DNAI1: variants seen among roughly 807,000 people sequenced by gnomAD.
The protein encoded by DNAI1 is dynein axonemal intermediate chain 1, also known as dynein, axonemal, intermediate polypeptide 1.
A neutral mutation model predicts 92.0 loss-of-function variants in DNAI1; 67 were observed. The observed-to-expected ratio is 0.73, with a 90% CI of 0.60 to 0.89. DNAI1 has a LOEUF of 0.89. DNAI1 is among the 40% of genes least tolerant of loss of function. DNAI1 has a pLI of 0.00. For missense variants in DNAI1, 839 were observed against 866.6 expected (o/e 0.97, Z 0.40); for synonymous variants, 323 against 319.6 (o/e 1.01, Z -0.11).
At chr9:34,462,460 A>G (rs933815174) in intron 1 of DNAI1, among the ~76,000 whole-genome samples, 1 of 152,202 alleles carries the variant, frequency 6.6e-6, no homozygotes, top group Admixed American at 6.5e-5. Flanking sequence ...TCTAGACTAT[A>G]AACTATGTTA....
chr9:34,503,181 C>G (rs898417767), intron 12 of DNAI1, among the ~76,000 whole-genome samples: 2 of 152,128 alleles, frequency 1.3e-5, no homozygotes, highest in Non-Finnish European at 2.9e-5. Flanking sequence ...TTCTCCAGAG[C>G]CTTGCATATC....
chr9:34,485,707 G>A (rs1447187246), intron 4 of DNAI1, among the ~76,000 whole-genome samples, 190 bp downstream of exon 4: 2 of 152,114 alleles, frequency 1.3e-5, no homozygotes, highest in Admixed American at 6.5e-5. Flanking sequence ...AATCTCCCTT[G>A]CAGTCTTGCT....
chr9:34,495,486 GAT>G (rs1824703475), intron 9 of DNAI1, among the ~76,000 whole-genome samples: 1 of 152,200 alleles, frequency 6.6e-6, no homozygotes, highest in African/African-American at 2.4e-5. Flanking sequence ...TACTTTGCAA[GAT>G]TTTCATGAGA....
chr9:34,512,389 C>T lies in DNAI1; in HGVS notation c.1454C>T (p.Thr485Met), dbSNP rs137935543. 5.9e-5 allele frequency: 95 copies of T among 1,614,040 alleles called. No individual in the cohort carries two copies. The highest frequency in any genetic ancestry group is 5.6e-4 in the African/African-American group (42 of 74,906). ...VIKLKVEGST[T>M]EVPEGLQLHP... Reference sequence around the variant, plus strand: ...AAGCTGAAGGTGGAAGGCAGCACCACGGAAGTTCCTGAGGGGTTGCAGCTG... The same window carrying T: ...AAGCTGAAGGTGGAAGGCAGCACCATGGAAGTTCCTGAGGGGTTGCAGCTG... The change falls in exon 15 of 20, where the codon ACG (threonine) becomes ATG (methionine). Residue 485 changes from threonine to methionine, a missense_variant. Thr to Met is a moderately conservative substitution (Grantham distance 81). Coordinates refer to ENST00000242317, the MANE Select transcript of DNAI1 (RefSeq NM_012144.4).
intron 18 of DNAI1, among the ~76,000 whole-genome samples, chr9:34,516,854 C>T (rs995782326): frequency 2.0e-5 from 3 of 151,580 alleles, no homozygotes; most frequent in Admixed American, 6.6e-5. Flanking sequence ...ATTCTCCCAT[C>T]TCAGCCTCCC....
chr9:34,520,762 T>C lies in DNAI1; in HGVS notation c.*6T>C. On this transcript the variant is annotated 3_prime_UTR_variant, in exon 20 of 20. Transcript: ENST00000242317. Reference sequence around the variant, plus strand: ...AAGTGAAAATCAAGACCTGAGGGGCTGGCCTCAGTCTCTGTCCCATCGCTT... The same window carrying C: ...AAGTGAAAATCAAGACCTGAGGGGCCGGCCTCAGTCTCTGTCCCATCGCTT... The C allele has an allele frequency of 6.4e-7, 1 of 1,551,506 alleles. No individual in the cohort carries two copies.
intron 2 of DNAI1, 111 bp from the exon 3 acceptor site, chr9:34,485,031 A>G (rs1406989189): frequency 7.6e-5 from 78 of 1,020,846 alleles, no homozygotes; most frequent in Non-Finnish European, 5.3e-5. Flanking sequence ...TGTATTCTAC[A>G]TACAAGGGGC....
At chr9:34,520,632 C>T (rs539110612) in intron 19 of DNAI1, 26 bp from the exon 20 acceptor site, 259 of 1,548,782 alleles carry the variant, frequency 1.7e-4, no homozygotes, top group Non-Finnish European at 2.2e-4. Context: ...CCATTCCTCC[C>T]TCATGTATAC....
At chr9:34,517,937 C>G (rs1825202134) in intron 19 of DNAI1, among the ~76,000 whole-genome samples, 1 of 152,232 alleles carries the variant, frequency 6.6e-6, no homozygotes, top group Non-Finnish European at 1.5e-5. Context: ...GTAACTAGGT[C>G]AGCAGCTATG....
intron 1 of DNAI1, among the ~76,000 whole-genome samples, chr9:34,460,672 T>C (rs1445613856): frequency 6.6e-6 from 1 of 152,100 alleles, no homozygotes; most frequent in East Asian, 1.9e-4. Flanking sequence ...TTTGTATTTT[T>C]TATTTTTGAG....
chr9:34,509,155 C>T (rs890150405), intron 13 of DNAI1, among the ~76,000 whole-genome samples: 1 of 152,166 alleles, frequency 6.6e-6, no homozygotes, highest in Non-Finnish European at 1.5e-5. Flanking sequence ...GGGGCACCCA[C>T]ACTGTCCTGG....
rs1023413642 is a variant in DNAI1 at position 34,485,449 on chromosome 9, G to T, written c.193G>T (p.Glu65Ter). The T allele has an allele frequency of 1.2e-6, 2 of 1,614,114 alleles. No homozygotes were observed. Among genetic ancestry groups the T allele is most frequent in the Non-Finnish European group, 1.7e-6 (2 of 1,180,038 alleles). Residue 65 changes from glutamate (E) to a stop codon, truncating the protein, a stop_gained, in exon 4 of 20, where the codon GAG becomes TAG. Transcript: ENST00000242317. LOFTEE classifies it high-confidence loss of function. The stretch of plus-strand genomic sequence containing the variant: ...TTTTCTCCCTCAGGAGTTAAAGGAG[G>T]AGTTCACTCGGATTTTGACAGCCAA... ...LELTDAELKEEFTRILTANNP... is the reference protein window; with the variant it reads ...LELTDAELKE
intron 1 of DNAI1, among the ~76,000 whole-genome samples, chr9:34,468,679 TAGCC>T (rs1824084807): frequency 6.6e-6 from 1 of 151,804 alleles, no homozygotes; most frequent in African/African-American, 2.4e-5. Context: ...ATTTAAAAAT[TAGCC>T]AGGCGTGGTG....
intron 9 of DNAI1, among the ~76,000 whole-genome samples, chr9:34,496,824 A>C (rs1202117462): frequency 6.6e-6 from 1 of 152,182 alleles, no homozygotes; most frequent in Admixed American, 6.5e-5. Context: ...TTGTGCTCAG[A>C]GATAGGCCTT....
chr9:34,487,069 C>T (rs1824486867), intron 4 of DNAI1, among the ~76,000 whole-genome samples: 1 of 152,152 alleles, frequency 6.6e-6, no homozygotes, highest in African/African-American at 2.4e-5. Flanking sequence ...ATGACTAATG[C>T]TGCTATGAAC....
chr9:34,470,719 A>C (rs1478118457), intron 1 of DNAI1, among the ~76,000 whole-genome samples: 1 of 152,250 alleles, frequency 6.6e-6, no homozygotes. Context: ...CTGTTAACCA[A>C]CTTGACCTAA....
intron 13 of DNAI1, among the ~76,000 whole-genome samples, chr9:34,511,445 G>A (rs2132080649): frequency 6.6e-6 from 1 of 152,248 alleles, no homozygotes; most frequent in Non-Finnish European, 1.5e-5. Flanking sequence ...GGAAAGAGGA[G>A]ACACTTCCTA....
At chr9:34,505,291 T>TTG (rs1365848705) in intron 12 of DNAI1, among the ~76,000 whole-genome samples, 2 of 152,182 alleles carry the variant, frequency 1.3e-5, no homozygotes, top group Admixed American at 1.3e-4. Context: ...ATTCCATGGC[T>TTG]TGTGGTCCCC....
At position 34,501,148 on chromosome 9, in the gene DNAI1, T is replaced by TAC; in HGVS notation, c.1032_1033dup (p.Arg345ThrfsTer15). 7 of 1,613,794 alleles carry TAC rather than the reference T, an allele frequency of 4.3e-6. No individual in the cohort carries two copies. The highest frequency in any genetic ancestry group is 5.9e-6 in the Non-Finnish European group (7 of 1,179,626). ...TATTTTTTTTTGCAGGAATCCAAAGTACAGGGATCTGTTTGCAGTGGGATA... is the reference window on the plus strand; with the variant it reads ...TATTTTTTTTTGCAGGAATCCAAAGTACACAGGGATCTGTTTGCAGTGGGATA... On this transcript the variant is annotated frameshift_variant, in exon 12 of 20. Transcript: ENST00000242317. LOFTEE classifies it high-confidence loss of function.
Sources: gnomAD v4.1 joint callset for allele counts (sites outside exome capture counted in the v4.1 genomes callset) on GRCh38, gnomAD v4.1.1 for gene constraint, MANE v1.5 for transcripts, NCBI Gene and HGNC (gene_info 2026-07-23, HGNC 2026-07-21) for gene names.